Variants in UBA7 observed in about 807,000 individuals in gnomAD.
UBA7 encodes the protein ubiquitin like modifier activating enzyme 7.
UBA7 carries 88 observed loss-of-function variants against 113.0 expected under a neutral mutation model. The ratio of observed to expected loss-of-function variants is 0.78; its 90% CI spans 0.66 to 0.93. The LOEUF is 0.93. Ranked by LOEUF, UBA7 falls within the 40% of genes least tolerant of loss-of-function variation. UBA7 has a pLI of 0.00. For synonymous variants in UBA7, 459 were observed against 513.0 expected (o/e 0.89, Z 1.42); for missense variants, 1,092 against 1,266.4 (o/e 0.86, Z 2.09).
intron 6 of UBA7, 82 bp from the exon 7 acceptor site, chr3:49,812,288 C>T: frequency 6.2e-7 from 1 of 1,611,462 alleles, no homozygotes; most frequent in Non-Finnish European, 8.5e-7. Context: ...ATCTGTGTCC[C>T]AGACCTTGCT....
intron 17 of UBA7, 65 bp from the exon 18 acceptor site, chr3:49,809,224 G>T (rs1052368338): frequency 6.4e-7 from 1 of 1,556,556 alleles, no homozygotes; most frequent in Non-Finnish European, 8.7e-7. Flanking sequence ...CTGTCCATTT[G>T]TGGATCTGTT....
chr3:49,813,416 A>T (rs759121596), intron 2 of UBA7, 33 bp from the exon 3 acceptor site: 9 of 1,610,254 alleles, frequency 5.6e-6, no homozygotes, highest in Non-Finnish European at 7.6e-6. Flanking sequence ...CTGAGCAAAG[A>T]CACTCCTCTT....
At position 49,811,032 on chromosome 3, in the gene UBA7, A is replaced by C. The variant is rs749109703; in HGVS notation, c.1182T>G (p.Cys394Trp). 1.2e-6 allele frequency: 2 copies of C among 1,614,104 alleles called. No homozygotes were observed. Among genetic ancestry groups the C allele is most frequent in the Non-Finnish European group, 1.7e-6 (2 of 1,179,994 alleles). Reference protein sequence around the residue: ...DQWLYFDALDCLPEDGELLPS... With the variant: ...DQWLYFDALDWLPEDGELLPS... ...GAAGGAGCTCCCCATCTTCCGGAAG[A>C]CAATCGAGGGCATCAAAGTAAAGCC... The change falls in exon 10 of 24, where the codon TGT (cysteine) becomes TGG (tryptophan). Residue 394 changes from cysteine to tryptophan, a missense_variant. Around this residue, in one of 3 missense-constraint regions of UBA7, gnomAD observed 584 missense variants for 714.5 expected, o/e 0.82. Transcript: ENST00000333486.
rs2081509692 is a variant in UBA7, at chr3:49,809,639, T to C, written c.1991A>G (p.Gln664Arg). Residue 664 changes from glutamine (Q) to arginine (R), a missense_variant, in exon 16 of 24, where the codon CAG becomes CGG. Gln to Arg is a conservative substitution (Grantham distance 43). Transcript: ENST00000333486. ...CCACGCCACACAGTCTTGCCAGTTCTGTGGACGCACTCTCAGGACCCCAAG... is the reference window on the plus strand; with the variant it reads ...CCACGCCACACAGTCTTGCCAGTTCCGTGGACGCACTCTCAGGACCCCAAG... ...PVLGVLRVRP[Q>R]NWQDCVAWAL... is the part of the protein sequence containing the mutation. The C allele has an allele frequency of 1.9e-6, 3 of 1,613,996 alleles. No individual in the cohort carries two copies. Among genetic ancestry groups the C allele is most frequent in the Admixed American group, 1.7e-5 (1 of 60,004 alleles).
chr3:49,810,819 T>C lies in UBA7; in HGVS notation c.1244A>G (p.Tyr415Cys). The C allele has an allele frequency of 6.2e-7, 1 of 1,614,142 alleles. No individual in the cohort carries two copies. Among genetic ancestry groups the C allele is most frequent in the Non-Finnish European group, 8.5e-7 (1 of 1,180,006 alleles). ...PEDCALRGSR[Y>C]DGQIAVFGAG... ...CCCAAACACTGCAATTTGCCCATCA[T>C]AGCGGCTGCCTCTCTAGGGGACAGA... Residue 415 changes from tyrosine to cysteine, a missense_variant, in exon 11 of 24, where the codon TAT (tyrosine) becomes TGT (cysteine). Tyr to Cys is a radical substitution (Grantham distance 194). Coordinates refer to ENST00000333486, the MANE Select transcript of UBA7 (RefSeq NM_003335.3). The surrounding 1 kb of genome is among the most constrained non-coding windows in gnomAD (Gnocchi z 5.6).
At position 49,813,405 on chromosome 3, in the gene UBA7, C is replaced by A. The variant is rs1226755312; in HGVS notation, c.226-22G>T. On this transcript the variant is annotated intron_variant, in intron 2 of 23. Transcript: ENST00000333486. ...GAAACTAGGGAGAGAGCCAGTGCAG[C>A]CTGAGCAAAGACACTCCTCTTGGGC... is the stretch of plus-strand genomic sequence containing the variant. 5 of 1,611,210 alleles carry A rather than the reference C, an allele frequency of 3.1e-6. No homozygotes were observed. In the East Asian group the frequency reaches 1.1e-4, roughly 36 times the overall value.
In UBA7 at chr3:49,813,066, C is replaced by T. The variant is rs140891266; in HGVS notation, c.463G>A (p.Val155Met). The T allele has an allele frequency of 7.4e-4, 1,192 of 1,612,658 alleles. No individual in the cohort carries two copies. The highest frequency in any genetic ancestry group is 9.2e-4 in the Non-Finnish European group (1,090 of 1,179,582). Residue 155 changes from valine to methionine, a missense_variant, in exon 4 of 24, where the codon GTG becomes ATG. By Grantham distance (21) the Val-to-Met change is conservative (BLOSUM62 1). Transcript: ENST00000333486. Reference protein sequence around the residue: ...CFLAADTRGLVGQLFCDFGED... With the variant: ...CFLAADTRGLMGQLFCDFGED... Reference sequence around the variant, plus strand: ...TGGGCAGGCAGTCTTACTCACCCCACGAGGCCCCGGGTGTCAGCCGCCAGA... The same window carrying T: ...TGGGCAGGCAGTCTTACTCACCCCATGAGGCCCCGGGTGTCAGCCGCCAGA...
intron 21 of UBA7, among the ~76,000 whole-genome samples, chr3:49,806,643 T>C (rs2081457795): frequency 6.6e-6 from 1 of 152,044 alleles, no homozygotes; most frequent in Non-Finnish European, 1.5e-5. Flanking sequence ...CCAGCAGGGA[T>C]ACAATGCATA....
intron 18 of UBA7, 32 bp from the exon 19 acceptor site, chr3:49,808,500 T>A (rs930075639): frequency 1.2e-6 from 2 of 1,609,762 alleles, no homozygotes; most frequent in African/African-American, 2.7e-5. Flanking sequence ...AGGCAGTCCT[T>A]AGCCCCTGTC....
Position 49,810,450 on chromosome 3 carries a change from G to A in UBA7, c.1468-22C>T, listed in dbSNP as rs903937337. On this transcript the variant is annotated intron_variant, in intron 12 of 23. Coordinates refer to ENST00000333486, the MANE Select transcript of UBA7 (RefSeq NM_003335.3). This position sits in a 1 kb window ranked among gnomAD's most constrained non-coding sequence, Gnocchi z 5.6. ...GTCTCTGGGAAGAAGGCAGGAAGAT[G>A]TTGGGTGGGAAGCTGTATGGGAGGA... 3 of 1,614,110 alleles carry A rather than the reference G, an allele frequency of 1.9e-6. No individual in the cohort carries two copies. In the African/African-American group the frequency reaches 4.0e-5, roughly 22 times the overall value.
Position 49,806,054 on chromosome 3 carries a change from G to A in UBA7, c.2808+19C>T. 2 of 1,581,188 alleles carry A rather than the reference G, an allele frequency of 1.3e-6. No homozygotes were observed. Among genetic ancestry groups the A allele is most frequent in the East Asian group, 2.3e-5 (1 of 43,348 alleles). On this transcript the variant is annotated intron_variant, in intron 22 of 23. Transcript: ENST00000333486. ...CGGGCTGGGCTGAGCCTGGGGGTTG[G>A]GGTAGCAACAGGGCACACCTGAAGA...
chr3:49,813,012 G>A, intron 4 of UBA7, 50 bp downstream of exon 4: 2 of 1,585,192 alleles, frequency 1.3e-6, no homozygotes, highest in Non-Finnish European at 1.7e-6. Flanking sequence ...GACAGCATGA[G>A]GCCAGTTGCT....
chr3:49,809,185 A>T, intron 17 of UBA7, 26 bp from the exon 18 acceptor site: 2 of 1,597,796 alleles, frequency 1.3e-6, no homozygotes, highest in Non-Finnish European at 1.7e-6. Context: ...GAGCAGGAAC[A>T]GAGGCATGGG....
At position 49,812,533 on chromosome 3, in the gene UBA7, C is replaced by A. The variant is rs762083996; in HGVS notation, c.569G>T (p.Gly190Val). The change falls in exon 6 of 24, where the codon GGC becomes GTC. Residue 190 changes from glycine to valine, a missense_variant. Transcript: ENST00000333486. ...GGCCCCTTTCCTCAGAGTGAGAATG[C>A]CAGGGGAGCCCTGGGTAGGAGGAGG... ...AIQHISQGSP[G>V]ILTLRKGANT... The A allele has an allele frequency of 4.3e-6, 7 of 1,614,012 alleles. No homozygotes were observed. Among genetic ancestry groups the A allele is most frequent in the Non-Finnish European group, 5.9e-6 (7 of 1,180,022 alleles).
At chr3:49,808,263 G>A in intron 19 of UBA7, 123 bp downstream of exon 19, 2 of 1,507,990 alleles carry the variant, frequency 1.3e-6, no homozygotes, top group Non-Finnish European at 1.8e-6. Flanking sequence ...CAGGGAATGT[G>A]AGCTGCTTCC....
rs1247760679 is a variant in UBA7, at chr3:49,809,973, C to G, written c.1839+5G>C. ...TGGGGTGGGAGTCTCCAGGGTGCTTCCTACCTGCAGGGTGTGCTCGGCTGT... is the reference window on the plus strand; with the variant it reads ...TGGGGTGGGAGTCTCCAGGGTGCTTGCTACCTGCAGGGTGTGCTCGGCTGT... On this transcript the variant is annotated splice_donor_5th_base_variant and intron_variant, in intron 14 of 23. Coordinates refer to ENST00000333486, the MANE Select transcript of UBA7 (RefSeq NM_003335.3). 3 of 1,613,902 alleles carry G rather than the reference C, an allele frequency of 1.9e-6. No homozygotes were observed. The highest frequency in any genetic ancestry group is 2.2e-5 in the South Asian group (2 of 91,070).
In UBA7 at chr3:49,812,554, G is replaced by A. The variant is rs2081567324; in HGVS notation, c.559-11C>T. ...AATGCCAGGGGAGCCCTGGGTAGGA[G>A]GAGGCTTGGCTCAGGGTTGCCTGGA... On this transcript the variant is annotated splice_polypyrimidine_tract_variant and intron_variant, in intron 5 of 23. Transcript: ENST00000333486. The A allele has an allele frequency of 6.2e-7, 1 of 1,614,186 alleles. No individual in the cohort carries two copies. The highest frequency in any genetic ancestry group is 1.3e-5 in the African/African-American group (1 of 75,062).
At chr3:49,809,268 C>A in intron 17 of UBA7, 109 bp from the exon 18 acceptor site, 1 of 1,532,462 alleles carries the variant, frequency 6.5e-7, no homozygotes, top group South Asian at 1.2e-5. Context: ...TGTAGACACC[C>A]ATATATGCAC....
At position 49,813,494 on chromosome 3, in the gene UBA7, G is replaced by T; in HGVS notation, c.210C>A (p.Ser70=). 1.2e-6 allele frequency: 2 copies of T among 1,613,772 alleles called. No homozygotes were observed. The highest frequency in any genetic ancestry group is 1.7e-6 in the Non-Finnish European group (2 of 1,179,906). ...TLHDPHPTCW[S]DLAAQFLLSE... The stretch of plus-strand genomic sequence containing the variant: ...GGACACTTACCTGGGCAGCCAGGTC[G>T]GACCAGCAGGTGGGGTGGGGATCAT... Residue 70 remains serine, a synonymous_variant, in exon 2 of 24, where the codon TCC becomes TCA. Transcript: ENST00000333486.
Sources: gnomAD v4.1 joint callset for allele counts (sites outside exome capture counted in the v4.1 genomes callset) on GRCh38, gnomAD v4.1.1 for gene constraint, gnomAD v4.1.1 regional missense constraint, Gnocchi (gnomAD v3.1) non-coding constraint, MANE v1.5 for transcripts, NCBI Gene and HGNC (gene_info 2026-07-23, HGNC 2026-07-21) for gene names.